PTPRM: variants seen among roughly 807,000 people sequenced by gnomAD.
The protein encoded by PTPRM is receptor-type tyrosine-protein phosphatase mu.
A neutral mutation model predicts 186.7 loss-of-function variants in PTPRM; 47 were observed. The observed-to-expected ratio is 0.25, with a 90% CI of 0.20 to 0.32. PTPRM has a LOEUF of 0.32. PTPRM is among the 10% of genes least tolerant of loss of function. The pLI, the probability that PTPRM is intolerant of heterozygous loss-of-function variation, is 1.00. For missense variants in PTPRM, 1,494 were observed against 1,865.0 expected, an observed-to-expected ratio of 0.80 and a Z score of 3.66; for synonymous variants, 668 against 674.9, an observed-to-expected ratio of 0.99 and a Z score of 0.16.
At position 8,394,544 on chromosome 18, in the gene PTPRM, G is replaced by A; in HGVS notation, c.4277G>A (p.Arg1426Lys). The stretch of plus-strand genomic sequence containing the variant: ...GTATGTGAGATGCTCCGGCACCAGA[G>A]AACCGTGGATGTCTTTCACGCTGTG... ...SIVCEMLRHQ[R>K]TVDVFHAVKT... The change falls in exon 32 of 33, where the codon AGA (arginine) becomes AAA (lysine). Residue 1426 changes from arginine to lysine, a missense_variant. Physicochemically the swap from Arg to Lys is conservative, Grantham distance 26. This residue lies in a region of PTPRM where 1,107 missense variants were observed against 1,350.2 expected (regional missense o/e 0.82). Coordinates refer to ENST00000580170, the MANE Select transcript of PTPRM (RefSeq NM_001105244.2). 6.2e-7 allele frequency: 1 copy of A among 1,613,836 alleles called. No homozygotes were observed.
At chr18:7,610,079 C>T (rs530680242) in intron 1 of PTPRM, among the ~76,000 whole-genome samples, 1 of 152,266 alleles carries the variant, frequency 6.6e-6, no homozygotes, top group Non-Finnish European at 1.5e-5. Context: ...AAGAACAAGA[C>T]AACACCTATT....
At position 7,832,004 on chromosome 18, in the gene PTPRM, C is replaced by T. The variant is rs561949766; in HGVS notation, c.197-56102C>T. Among the ~76,000 whole-genome samples, 6 of 152,280 alleles carry T rather than the reference C, an allele frequency of 3.9e-5. No homozygotes were observed. In the East Asian group the frequency reaches 5.8e-4, roughly 15 times the overall value. On this transcript the variant is annotated intron_variant, in intron 2 of 32. Coordinates refer to ENST00000580170, the MANE Select transcript of PTPRM (RefSeq NM_001105244.2). ...AGTACTCCATTGTGTATAAGTACCA[C>T]GTTTTCCTTATCCATCCTTCTGTTG...
chr18:8,044,496 T>C (rs1012394403), intron 7 of PTPRM, among the ~76,000 whole-genome samples: 6 of 152,040 alleles, frequency 3.9e-5, no homozygotes, highest in Admixed American at 3.9e-4. Flanking sequence ...GATAAACATG[T>C]TGTGCCTGTA....
intron 13 of PTPRM, among the ~76,000 whole-genome samples, chr18:8,123,839 C>G (rs1205814046): frequency 6.6e-6 from 1 of 152,192 alleles, no homozygotes; most frequent in South Asian, 2.1e-4. Context: ...GCCCCAGACT[C>G]ATCAGTACAT....
chr18:8,028,728 A>G (rs1600148857), intron 7 of PTPRM, among the ~76,000 whole-genome samples: 1 of 152,320 alleles, frequency 6.6e-6, no homozygotes, highest in Middle Eastern at 3.4e-3. Flanking sequence ...TAGTCTGGGT[A>G]AAAGAAGAGC....
rs2087863340 is a variant in PTPRM at position 8,055,555 on chromosome 18, T to A, written c.1133-14131T>A. On this transcript the variant is annotated intron_variant, in intron 7 of 32. Coordinates refer to ENST00000580170, the MANE Select transcript of PTPRM (RefSeq NM_001105244.2). ...ACGTATTACATGTTCATTTTTAGAA[T>A]TACATTTTTAATTTTAGAAGTGGCA... is the stretch of plus-strand genomic sequence containing the variant. Among the ~76,000 whole-genome samples, 4 of 152,240 alleles carry A rather than the reference T, an allele frequency of 2.6e-5. No individual in the cohort carries two copies. The South Asian group carries it at 8.3e-4, about 31-fold the overall frequency.
chr18:7,605,998 A>T, intron 1 of PTPRM, among the ~76,000 whole-genome samples: 1 of 152,108 alleles, frequency 6.6e-6, no homozygotes, highest in East Asian at 1.9e-4. Context: ...GAAGGCAGGG[A>T]GCTTTTCTGG....
rs202153146 is a variant in PTPRM at position 7,931,331 on chromosome 18, G to GTA, written c.663+4659_663+4660dup. ...ATACATATACTGTGTGTATGTGTGT[G>GTA]TATATATATATAACACTGAAAAGAG... On this transcript the variant is annotated intron_variant, in intron 5 of 32. Transcript: ENST00000580170. Among the ~76,000 whole-genome samples the GTA allele has an allele frequency of 5.3e-3, 785 of 148,806 alleles. 4 individuals are homozygous for GTA. The highest frequency in any genetic ancestry group is 0.019 in the African/African-American group (758 of 40,528).
intron 11 of PTPRM, among the ~76,000 whole-genome samples, chr18:8,092,154 T>C (rs1214183952): frequency 2.0e-5 from 3 of 152,200 alleles, no homozygotes; most frequent in Non-Finnish European, 4.4e-5. Flanking sequence ...TTGATTTCCC[T>C]ACAAACACTC....
intron 2 of PTPRM, among the ~76,000 whole-genome samples, chr18:7,874,749 G>A (rs1011638664): frequency 6.6e-6 from 1 of 152,202 alleles, no homozygotes; most frequent in Non-Finnish European, 1.5e-5. Context: ...AAATATATGT[G>A]TATAAATCTG....
chr18:8,088,722 T>C (rs375219218), intron 10 of PTPRM, 27 bp from the exon 11 acceptor site: 3 of 1,510,736 alleles, frequency 2.0e-6, no homozygotes, highest in Non-Finnish European at 2.8e-6. Flanking sequence ...AAATAATGAG[T>C]CTCCCATTCT....
At chr18:7,881,732 A>G (rs1057277171) in intron 2 of PTPRM, among the ~76,000 whole-genome samples, 3 of 151,996 alleles carry the variant, frequency 2.0e-5, no homozygotes, top group African/African-American at 7.3e-5. Flanking sequence ...AGACATGCAG[A>G]TGTACGTGGT....
rs372227037 is a variant in PTPRM at position 8,240,618 on chromosome 18, G to GGAGA, written c.2301-3407_2301-3404dup. ...TGCATGGAGAGAGAGAGAGAGGGAG[G>GGAGA]GAGAGAGAGAGAGAGAGAGAGAGAG... is the stretch of plus-strand genomic sequence containing the variant. On this transcript the variant is annotated intron_variant, in intron 14 of 32. Transcript: ENST00000580170. 9.8e-4 allele frequency among the ~76,000 whole-genome samples: 34 copies of GGAGA among 34,828 alleles called. 1 individual carries two copies. The highest frequency in any genetic ancestry group is 2.8e-3 in the African/African-American group (17 of 6,160). The allele number at this position is 34,828 out of a possible 152,430, so 22.8% of individuals were successfully genotyped here.
Position 8,384,553 on chromosome 18 carries a change from G to C in PTPRM, c.3919-8G>C. On this transcript the variant is annotated splice_region_variant and splice_polypyrimidine_tract_variant and intron_variant, in intron 29 of 32. Coordinates refer to ENST00000580170, the MANE Select transcript of PTPRM (RefSeq NM_001105244.2). ...AACTAACCTTGTGTTTATATGTTTT[G>C]AATTCAGTTGTGTCCACAGTACTGG... 1 of 1,613,926 alleles carries C rather than the reference G, an allele frequency of 6.2e-7. No homozygotes were observed.
intron 4 of PTPRM, among the ~76,000 whole-genome samples, chr18:7,914,548 ATTAG>A (rs1282412350): frequency 6.6e-6 from 1 of 152,142 alleles, no homozygotes; most frequent in Non-Finnish European, 1.5e-5. Context: ...TAGGGATTAC[ATTAG>A]TTAATGTACA....
At position 8,090,341 on chromosome 18, in the gene PTPRM, T is replaced by C. The variant is rs539294184; in HGVS notation, c.1856+1490T>C. ...GCTCAGACTCAGCAATAAAGGGTCA[T>C]TGGGACAGGACTCAATATTTTACTG... On this transcript the variant is annotated intron_variant, in intron 11 of 32. Transcript: ENST00000580170. Among the ~76,000 whole-genome samples the C allele has an allele frequency of 3.3e-4, 50 of 152,302 alleles. 3 individuals are homozygous for C. The highest frequency in any genetic ancestry group is 5.2e-4 in the Admixed American group (8 of 15,294).
chr18:7,734,370 C>T (rs2040724063), intron 1 of PTPRM, among the ~76,000 whole-genome samples: 1 of 152,112 alleles, frequency 6.6e-6, no homozygotes, highest in Non-Finnish European at 1.5e-5. Context: ...GACATTTCAG[C>T]TTTTAAATTT....
intron 1 of PTPRM, among the ~76,000 whole-genome samples, chr18:7,635,347 TC>T (rs1198868436): frequency 6.6e-6 from 1 of 152,190 alleles, no homozygotes; most frequent in Admixed American, 6.5e-5. Context: ...TTTCTGCTCT[TC>T]CACCAGGTAA....
At chr18:7,677,346 G>A (rs563928377) in intron 1 of PTPRM, among the ~76,000 whole-genome samples, 10 of 152,184 alleles carry the variant, frequency 6.6e-5, no homozygotes, top group Admixed American at 2.0e-4. Flanking sequence ...CAAAGCTGAC[G>A]AGTGATTACT....
Sources: gnomAD v4.1 joint callset for allele counts (sites outside exome capture counted in the v4.1 genomes callset) on GRCh38, gnomAD v4.1.1 for gene constraint, gnomAD v4.1.1 regional missense constraint, MANE v1.5 for transcripts, NCBI Gene and HGNC (gene_info 2026-07-23, HGNC 2026-07-21) for gene names.